Variants in WWOX observed in about 807,000 individuals in gnomAD.
WWOX encodes the protein WW domain containing oxidoreductase.
In WWOX, 69 loss-of-function variants were observed where a neutral mutation model predicts 46.2. The observed-to-expected ratio is 1.49, with a 90% CI of 1.23 to 1.82. WWOX has a LOEUF of 1.82. Ranked by LOEUF, WWOX falls within the 40% of genes most tolerant of loss-of-function variation. WWOX has a pLI of 0.00. For synonymous variants in WWOX, 359 were observed against 202.6 expected (o/e 1.77, Z -6.56); for missense variants, 919 against 542.6 (o/e 1.69, Z -6.89).
intron 8 of WWOX, among the ~76,000 whole-genome samples, chr16:79,073,182 T>G (rs1025183490): frequency 6.8e-6 from 1 of 147,890 alleles, no homozygotes; most frequent in Non-Finnish European, 1.5e-5. Flanking sequence ...TTATTATTAT[T>G]ATTATTATTA....
chr16:78,630,211 C>G (rs2046395553), intron 8 of WWOX, among the ~76,000 whole-genome samples: 1 of 152,170 alleles, frequency 6.6e-6, no homozygotes, highest in Non-Finnish European at 1.5e-5. Context: ...GTAAGTTTCA[C>G]AAGGCCAGGC....
chr16:78,386,105 C>T (rs144492434), intron 5 of WWOX, among the ~76,000 whole-genome samples: 158 of 152,296 alleles, frequency 1.0e-3, no homozygotes, highest in African/African-American at 3.6e-3. Flanking sequence ...GGGGTCAGTT[C>T]TTGTACTCAA....
intron 8 of WWOX, among the ~76,000 whole-genome samples, chr16:79,026,643 A>C (rs567949136): frequency 1.2e-3 from 130 of 104,632 alleles, no homozygotes; most frequent in Non-Finnish European, 4.4e-4. Context: ...TTTGAGATGG[A>C]GTCTCCCTCT....
intron 8 of WWOX, among the ~76,000 whole-genome samples, chr16:78,656,953 A>G (rs940129556): frequency 3.9e-5 from 6 of 152,200 alleles, no homozygotes; most frequent in East Asian, 1.9e-4. Flanking sequence ...CGTCTGGTCC[A>G]TGCTCAGATT....
chr16:78,561,209 A>C (rs1386406847), intron 8 of WWOX, among the ~76,000 whole-genome samples: 1 of 151,892 alleles, frequency 6.6e-6, no homozygotes, highest in Non-Finnish European at 1.5e-5. Flanking sequence ...CTGCATCTCA[A>C]AGCCAGCAAC....
At chr16:78,501,415 G>C (rs1004313287) in intron 8 of WWOX, among the ~76,000 whole-genome samples, 1 of 151,964 alleles carries the variant, frequency 6.6e-6, no homozygotes, top group South Asian at 2.1e-4. Context: ...GTAAGAAATT[G>C]AGACAGCCTG....
At chr16:78,446,791 G>A (rs959481078) in intron 8 of WWOX, among the ~76,000 whole-genome samples, 1 of 150,624 alleles carries the variant, frequency 6.6e-6, no homozygotes, top group African/African-American at 2.5e-5. Flanking sequence ...CTCCTCAGTG[G>A]CTGGGATTAC....
intron 7 of WWOX, 76 bp downstream of exon 7, chr16:78,425,131 GA>G (rs1291617695): frequency 3.8e-6 from 6 of 1,590,682 alleles, no homozygotes; most frequent in Middle Eastern, 2.3e-4. Flanking sequence ...CTCTCATTCT[GA>G]AAATAATTTT....
intron 5 of WWOX, among the ~76,000 whole-genome samples, chr16:78,222,544 G>T (rs1221225504): frequency 1.3e-5 from 2 of 152,146 alleles, no homozygotes; most frequent in Non-Finnish European, 2.9e-5. Flanking sequence ...AGACATCGGG[G>T]TACCTGTTAA....
intron 8 of WWOX, among the ~76,000 whole-genome samples, chr16:78,676,118 C>T (rs1449281098): frequency 6.6e-6 from 1 of 151,616 alleles, no homozygotes; most frequent in Non-Finnish European, 1.5e-5. Context: ...ATCAGACAAC[C>T]AGACAACCAG....
chr16:78,631,634 G>C (rs1258285101), intron 8 of WWOX, among the ~76,000 whole-genome samples: 1 of 150,664 alleles, frequency 6.6e-6, no homozygotes, highest in Non-Finnish European at 1.5e-5. Context: ...CTCCTCCCAG[G>C]CTCAAGAGAT....
At chr16:78,905,580 C>T (rs1004883559) in intron 8 of WWOX, among the ~76,000 whole-genome samples, 1 of 151,986 alleles carries the variant, frequency 6.6e-6, no homozygotes, top group Non-Finnish European at 1.5e-5. Flanking sequence ...GGGGTCTCAC[C>T]ATATTGACCA....
At chr16:79,128,189 C>T (rs562602316) in intron 8 of WWOX, among the ~76,000 whole-genome samples, 27 of 152,178 alleles carry the variant, frequency 1.8e-4, no homozygotes, top group African/African-American at 6.0e-4. Context: ...AACGCCCTGC[C>T]AGAATCATTT....
intron 8 of WWOX, among the ~76,000 whole-genome samples, chr16:78,693,579 T>C (rs2048036257): frequency 6.6e-6 from 1 of 152,134 alleles, no homozygotes; most frequent in African/African-American, 2.4e-5. Context: ...TGGGGGGCCC[T>C]CCTCTAGGGC....
intron 5 of WWOX, among the ~76,000 whole-genome samples, chr16:78,333,531 C>T (rs950133052): frequency 5.9e-5 from 9 of 151,838 alleles, no homozygotes; most frequent in African/African-American, 1.9e-4. Flanking sequence ...TTGCTTTGTC[C>T]GTCAATGTGA....
chr16:78,134,657 CTGT>C (rs2033726313), intron 4 of WWOX, among the ~76,000 whole-genome samples: 1 of 152,180 alleles, frequency 6.6e-6, no homozygotes, highest in Non-Finnish European at 1.5e-5. Flanking sequence ...AAGCACTCCA[CTGT>C]TGTTATGAGC....
At chr16:78,771,976 T>C (rs2050075812) in intron 8 of WWOX, among the ~76,000 whole-genome samples, 1 of 152,186 alleles carries the variant, frequency 6.6e-6, no homozygotes, top group African/African-American at 2.4e-5. Flanking sequence ...TCAGTGTATT[T>C]TACCAAGGGA....
chr16:78,815,693 G>A (rs757660402), intron 8 of WWOX, among the ~76,000 whole-genome samples: 1 of 152,126 alleles, frequency 6.6e-6, no homozygotes, highest in Non-Finnish European at 1.5e-5. Flanking sequence ...TTCCCTTCCT[G>A]TTCTTTTAAG....
chr16:78,658,201 C>T (rs1478548252), intron 8 of WWOX, among the ~76,000 whole-genome samples: 2 of 152,200 alleles, frequency 1.3e-5, no homozygotes, highest in East Asian at 3.9e-4. Flanking sequence ...AAAATCACCC[C>T]TGGATGAGAA....
Sources: allele counts gnomAD v4.1 joint callset (sites outside exome capture counted in the v4.1 genomes callset), GRCh38; gene constraint gnomAD v4.1.1; transcripts MANE v1.5; gene names NCBI Gene and HGNC (gene_info 2026-07-23, HGNC 2026-07-21).